GABRA5: variants seen among roughly 807,000 people sequenced by gnomAD.
GABRA5 encodes the protein gamma-aminobutyric acid type A receptor subunit alpha5, also known as gamma-aminobutyric acid receptor subunit alpha-5.
GABRA5 carries 18 observed loss-of-function variants against 47.3 expected under a neutral mutation model. That is an observed-to-expected ratio of 0.38 (90% confidence interval 0.26 to 0.56). GABRA5 has a LOEUF of 0.56. GABRA5 is among the 20% of genes least tolerant of loss of function. GABRA5 has a pLI of 0.71. For synonymous variants in GABRA5, 237 were observed against 229.3 expected (o/e 1.03, Z -0.30); for missense variants, 365 against 599.3 (o/e 0.61, Z 4.08).
intron 6 of GABRA5, among the ~76,000 whole-genome samples, chr15:26,884,818 G>A (rs1030444327): frequency 2.0e-5 from 3 of 152,292 alleles, no homozygotes; most frequent in African/African-American, 4.8e-5. Flanking sequence ...CCAACGGCGC[G>A]GTGCAGTCTT....
intron 7 of GABRA5, among the ~76,000 whole-genome samples, chr15:26,931,815 T>C (rs977048988): frequency 3.3e-5 from 5 of 152,034 alleles, no homozygotes; most frequent in African/African-American, 1.2e-4. Flanking sequence ...GTCAAGATAT[T>C]GAAACAAAGG....
chr15:26,889,490 C>T (rs768165663), intron 6 of GABRA5, among the ~76,000 whole-genome samples: 5 of 151,880 alleles, frequency 3.3e-5, no homozygotes, highest in African/African-American at 4.8e-5. Flanking sequence ...ATTCCTTAAA[C>T]GGCCACTTGA....
intron 6 of GABRA5, among the ~76,000 whole-genome samples, chr15:26,885,501 A>G (rs1880594190): frequency 6.6e-6 from 1 of 152,080 alleles, no homozygotes; most frequent in African/African-American, 2.4e-5. Context: ...TGACAGCAGG[A>G]CTGTCCTGGT....
chr15:26,935,589 A>G (rs1046714554), intron 7 of GABRA5, among the ~76,000 whole-genome samples: 2 of 152,174 alleles, frequency 1.3e-5, no homozygotes, highest in African/African-American at 4.8e-5. Flanking sequence ...GTCCAGGAGG[A>G]GCCATCAGTG....
chr15:26,885,859 G>A (rs191812034), intron 6 of GABRA5, among the ~76,000 whole-genome samples: 36 of 152,282 alleles, frequency 2.4e-4, no homozygotes, highest in African/African-American at 8.7e-4. Flanking sequence ...TGCTGGATGT[G>A]GTTACTGTGG....
At chr15:26,892,263 G>T (rs1249076720) in intron 6 of GABRA5, among the ~76,000 whole-genome samples, 1 of 152,226 alleles carries the variant, frequency 6.6e-6, no homozygotes, top group African/African-American at 2.4e-5. Context: ...CAGGTCCCCC[G>T]TGTGCCAGCC....
At chr15:26,891,068 C>T (rs560509340) in intron 6 of GABRA5, among the ~76,000 whole-genome samples, 23 of 152,328 alleles carry the variant, frequency 1.5e-4, no homozygotes, top group East Asian at 1.2e-3. Flanking sequence ...GGTTTGAAAA[C>T]GTGACCAGAC....
chr15:26,878,520 A>G (rs1892652286), intron 3 of GABRA5, among the ~76,000 whole-genome samples: 1 of 152,144 alleles, frequency 6.6e-6, no homozygotes, highest in South Asian at 2.1e-4. Context: ...ACAAACAAAA[A>G]AAAACCCCTC....
chr15:26,867,011 G>T (rs1196621376), upstream of GABRA5: 1 of 152,260 alleles, frequency 6.6e-6, no homozygotes, highest in Non-Finnish European at 1.5e-5. The surrounding 1 kb of genome is among the most constrained non-coding windows in gnomAD (Gnocchi z 5.9). Context: ...CGCCCAGCTC[G>T]GCCAAGGGCG....
intron 3 of GABRA5, among the ~76,000 whole-genome samples, chr15:26,876,118 C>G (rs1460125690): frequency 1.3e-5 from 2 of 152,126 alleles, no homozygotes; most frequent in African/African-American, 4.8e-5. Context: ...GTATTTTGCT[C>G]CATCACCTGC....
intron 6 of GABRA5, among the ~76,000 whole-genome samples, chr15:26,887,567 G>GCCTCGGCCTCCACCCA (rs1186097352): frequency 2.6e-5 from 4 of 151,838 alleles, no homozygotes; most frequent in South Asian, 2.1e-4. Flanking sequence ...CCTAACCTCA[G>GCCTCGGCCTCCACCCA]CCTCGGCCTC....
chr15:26,935,696 C>G (rs1894222352), intron 7 of GABRA5, among the ~76,000 whole-genome samples: 1 of 152,196 alleles, frequency 6.6e-6, no homozygotes, highest in Non-Finnish European at 1.5e-5. Flanking sequence ...CAGTCTGCCT[C>G]CCTCCAGGCC....
intron 6 of GABRA5, among the ~76,000 whole-genome samples, chr15:26,912,400 T>C (rs1264246528): frequency 2.6e-5 from 4 of 152,242 alleles, no homozygotes; most frequent in African/African-American, 9.6e-5. Flanking sequence ...AGTAACCTGT[T>C]TTCCTTTGTG....
chr15:26,914,164 A>T (rs1717487164), intron 6 of GABRA5, among the ~76,000 whole-genome samples: 1 of 152,148 alleles, frequency 6.6e-6, no homozygotes, highest in Admixed American at 6.5e-5. Context: ...GGCCTGGATT[A>T]AAAAATAATA....
intron 9 of GABRA5, among the ~76,000 whole-genome samples, chr15:26,942,452 C>T (rs995847581): frequency 6.6e-6 from 1 of 152,254 alleles, no homozygotes; most frequent in Non-Finnish European, 1.5e-5. Context: ...CTCTCTGGCT[C>T]TTACAAGTCT....
At chr15:26,878,045 G>A (rs746676269) in intron 3 of GABRA5, among the ~76,000 whole-genome samples, 5 of 152,210 alleles carry the variant, frequency 3.3e-5, no homozygotes, top group Admixed American at 6.5e-5. Flanking sequence ...GCGCGTCGGC[G>A]AGTGTAGGCT....
At chr15:26,894,494 G>A (rs531724874) in intron 6 of GABRA5, among the ~76,000 whole-genome samples, 1 of 152,224 alleles carries the variant, frequency 6.6e-6, no homozygotes, top group African/African-American at 2.4e-5. Flanking sequence ...CACAATTTGC[G>A]ATTTCCGTGG....
At position 26,915,008 on chromosome 15, in the gene GABRA5, C is replaced by T. The variant is rs879424619; in HGVS notation, c.580+123C>T. ...AATAGGATGCAGTCTGTTTAAGAAGCGTGGAGAGTGTATTGTTCTCCCCAG... is the reference window on the plus strand; with the variant it reads ...AATAGGATGCAGTCTGTTTAAGAAGTGTGGAGAGTGTATTGTTCTCCCCAG... On this transcript the variant is annotated intron_variant, in intron 7 of 10. Transcript: ENST00000335625. 6 of 784,442 alleles carry T rather than the reference C, an allele frequency of 7.6e-6. 1 individual carries two copies. The highest frequency in any genetic ancestry group is 4.1e-5 in the Admixed American group (2 of 48,872). 48.6% of individuals were successfully genotyped at this position (784,442 alleles called of 1,614,324 possible).
At chr15:26,923,703 C>G (rs1893892369) in intron 7 of GABRA5, among the ~76,000 whole-genome samples, 1 of 152,070 alleles carries the variant, frequency 6.6e-6, no homozygotes, top group Non-Finnish European at 1.5e-5. Context: ...TCCAGCCTGT[C>G]TCTGTTCTTC....
Sources: gnomAD v4.1 joint callset for allele counts (sites outside exome capture counted in the v4.1 genomes callset) on GRCh38, gnomAD v4.1.1 for gene constraint, Gnocchi (gnomAD v3.1) non-coding constraint, MANE v1.5 for transcripts, NCBI Gene and HGNC (gene_info 2026-07-23, HGNC 2026-07-21) for gene names.